SORBS2: variants seen among roughly 807,000 people sequenced by gnomAD.
The protein encoded by SORBS2 is sorbin and SH3 domain containing 2.
In SORBS2, 46 loss-of-function variants were observed where a neutral mutation model predicts 97.7. That is an observed-to-expected ratio of 0.47 (90% confidence interval 0.37 to 0.60). The LOEUF is 0.60. SORBS2 is among the 20% of genes least tolerant of loss of function. SORBS2 has a pLI of 0.00. For synonymous variants in SORBS2, 476 were observed against 473.4 expected (o/e 1.01, Z -0.07); for missense variants, 1,316 against 1,282.3 (o/e 1.03, Z -0.40).
chr4:185,705,470 G>A (rs561669084), intron 2 of SORBS2, among the ~76,000 whole-genome samples: 7 of 152,088 alleles, frequency 4.6e-5, no homozygotes, highest in South Asian at 4.2e-4. Flanking sequence ...CGCTTGAACC[G>A]AGAAAGTGGA....
chr4:185,730,143 G>A (rs546198622), intron 2 of SORBS2, among the ~76,000 whole-genome samples: 2 of 152,032 alleles, frequency 1.3e-5, no homozygotes, highest in South Asian at 2.1e-4. Context: ...TAGTAGAGAC[G>A]GGGTTTCACT....
chr4:185,682,477 G>A lies in SORBS2; in HGVS notation c.-197-3655C>T, dbSNP rs1005616686. ...GACAGACTGACTCAGGGGACAAATA[G>A]GTGGTGACTCAGATTGACTGTCTGA... On this transcript the variant is annotated intron_variant, in intron 2 of 20. Coordinates refer to the SORBS2 transcript ENST00000284776. Among the ~76,000 whole-genome samples the A allele has an allele frequency of 3.9e-5, 6 of 152,198 alleles. No individual in the cohort carries two copies. In the South Asian group the frequency reaches 1.2e-3, roughly 31 times the overall value.
chr4:185,944,715 C>T (rs2099273709), intron 1 of SORBS2, among the ~76,000 whole-genome samples: 1 of 152,152 alleles, frequency 6.6e-6, no homozygotes, highest in Admixed American at 6.5e-5. Flanking sequence ...CCTCAAGTGA[C>T]TTTACATCCT....
chr4:185,672,420 T>G (rs2153489405), intron 4 of SORBS2, among the ~76,000 whole-genome samples: 1 of 152,346 alleles, frequency 6.6e-6, no homozygotes, highest in South Asian at 2.1e-4. Flanking sequence ...GGGGTGTAGC[T>G]TTTTGCTGGC....
intron 12 of SORBS2, 26 bp downstream of exon 24, chr4:185,611,753 CA>C (rs1370159750): frequency 7.6e-6 from 12 of 1,575,906 alleles, no homozygotes; most frequent in Non-Finnish European, 1.0e-5. Context: ...TCCAATATTA[CA>C]TTAACATGAT....
At position 185,706,407 on chromosome 4, in the gene SORBS2, T is replaced by G. The variant is rs140932975; in HGVS notation, c.-197-27585A>C. ...TCTTTTAGTTAGTTGTAATATAACATAAGTGATATTGATTGTAGCAATGGA... is the reference window on the plus strand; with the variant it reads ...TCTTTTAGTTAGTTGTAATATAACAGAAGTGATATTGATTGTAGCAATGGA... On this transcript the variant is annotated intron_variant, in intron 2 of 20. Coordinates refer to the SORBS2 transcript ENST00000284776. Among the ~76,000 whole-genome samples, 61 of 152,332 alleles carry G rather than the reference T, an allele frequency of 4.0e-4. No individual in the cohort carries two copies. In the East Asian group the frequency reaches 0.011, roughly 27 times the overall value.
chr4:185,755,331 A>T (rs1027737440), intron 2 of SORBS2, among the ~76,000 whole-genome samples: 1 of 152,232 alleles, frequency 6.6e-6, no homozygotes, highest in Non-Finnish European at 1.5e-5. Flanking sequence ...TTGCATTTTC[A>T]TCTGAATAAG....
chr4:185,877,162 G>T (rs2099234107), intron 1 of SORBS2, among the ~76,000 whole-genome samples: 3 of 152,090 alleles, frequency 2.0e-5, no homozygotes. Flanking sequence ...ATAAACAGCA[G>T]CCATAATAAT....
At chr4:185,746,480 C>T (rs982266483) in intron 2 of SORBS2, among the ~76,000 whole-genome samples, 1 of 152,144 alleles carries the variant, frequency 6.6e-6, no homozygotes, top group Non-Finnish European at 1.5e-5. Context: ...CCATGCCTGG[C>T]TAATTTTTGT....
chr4:185,646,961 T>C (rs530230937), intron 3 of SORBS2, among the ~76,000 whole-genome samples, 179 bp from the exon 13 acceptor site: 13 of 151,890 alleles, frequency 8.6e-5, no homozygotes, highest in African/African-American at 2.4e-4. Context: ...AAAAGTCACA[T>C]GAGGGGTTTG....
chr4:185,625,693 T>C (rs541424234), intron 6 of SORBS2, among the ~76,000 whole-genome samples: 2 of 152,358 alleles, frequency 1.3e-5, no homozygotes, highest in South Asian at 4.1e-4. Flanking sequence ...AAGGCATCTC[T>C]GCTCCTCAGA....
intron 4 of SORBS2, chr4:185,645,520 A>C (rs557686887): frequency 6.6e-6 from 1 of 152,298 alleles, no homozygotes; most frequent in African/African-American, 2.4e-5. Flanking sequence ...TAAGGTTTTG[A>C]ACATGCTTCT....
At chr4:185,886,526 G>T (rs2099239608) in intron 1 of SORBS2, among the ~76,000 whole-genome samples, 1 of 131,230 alleles carries the variant, frequency 7.6e-6, no homozygotes, top group South Asian at 2.4e-4. Context: ...CTGCACTCCA[G>T]CCTGGGCAAC....
intron 1 of SORBS2, among the ~76,000 whole-genome samples, chr4:185,790,476 G>C (rs567823344): frequency 6.6e-6 from 1 of 152,094 alleles, no homozygotes; most frequent in Non-Finnish European, 1.5e-5. Flanking sequence ...TGTACTAATA[G>C]CTTCCTCCAA....
At chr4:185,703,088 T>C (rs2098288813) in intron 2 of SORBS2, among the ~76,000 whole-genome samples, 1 of 152,226 alleles carries the variant, frequency 6.6e-6, no homozygotes, top group Non-Finnish European at 1.5e-5. Flanking sequence ...TCCCTCTTTG[T>C]TGTCTGCTTT....
At chr4:185,953,493 A>T (rs1191884352) in intron 1 of SORBS2, among the ~76,000 whole-genome samples, 1 of 152,214 alleles carries the variant, frequency 6.6e-6, no homozygotes. Context: ...CAGGACACCA[A>T]GGTGGGACCC....
At chr4:185,951,930 T>C (rs1225059138) in intron 1 of SORBS2, among the ~76,000 whole-genome samples, 1 of 152,330 alleles carries the variant, frequency 6.6e-6, no homozygotes, top group African/African-American at 2.4e-5. Context: ...ACTCTATTCT[T>C]TTTTTGGAAG....
intron 1 of SORBS2, among the ~76,000 whole-genome samples, chr4:185,656,229 C>T (rs1372179553): frequency 6.6e-6 from 1 of 152,172 alleles, no homozygotes; most frequent in Non-Finnish European, 1.5e-5. Flanking sequence ...AACGTTTCCT[C>T]AATCTAAAGA....
intron 12 of SORBS2, among the ~76,000 whole-genome samples, chr4:185,608,461 G>A (rs930559973): frequency 4.6e-5 from 7 of 152,036 alleles, no homozygotes; most frequent in African/African-American, 1.7e-4. Flanking sequence ...TGACATTTAT[G>A]TAAATCAGAG....
Sources: gnomAD v4.1 joint callset for allele counts (sites outside exome capture counted in the v4.1 genomes callset) on GRCh38, gnomAD v4.1.1 for gene constraint, MANE v1.5 for transcripts, NCBI Gene and HGNC (gene_info 2026-07-23, HGNC 2026-07-21) for gene names.